The following GABRA5 variants were observed in gnomAD, a reference collection of about 807,000 sequenced individuals.
The protein encoded by GABRA5 is gamma-aminobutyric acid receptor subunit alpha-5.
Under a neutral mutation model 47.3 loss-of-function variants are expected in GABRA5, and 18 were observed. The ratio of observed to expected loss-of-function variants is 0.38; its 90% confidence interval spans 0.26 to 0.56. GABRA5 has a LOEUF of 0.56. Ranked by LOEUF, GABRA5 falls within the 20% of genes least tolerant of loss-of-function variation. The pLI, the probability that GABRA5 is intolerant of heterozygous loss-of-function variation, is 0.71. For missense variants in GABRA5, 365 were observed against 599.3 expected (o/e 0.61, Z 4.08); for synonymous variants, 237 against 229.3 (o/e 1.03, Z -0.30).
intron 3 of GABRA5, among the ~76,000 whole-genome samples, chr15:26,879,374 A>G (rs1566864394): frequency 6.6e-6 from 1 of 152,190 alleles, no homozygotes; most frequent in East Asian, 1.9e-4. Flanking sequence ...GGGAGGAGCT[A>G]TGCTAGGCTT....
At chr15:26,912,414 G>A (rs1893618210) in intron 6 of GABRA5, among the ~76,000 whole-genome samples, 1 of 152,140 alleles carries the variant, frequency 6.6e-6, no homozygotes, top group South Asian at 2.1e-4. Flanking sequence ...CTTTGTGTTG[G>A]CTGAATGCCA....
At chr15:26,869,486 G>A (rs1007472351) in intron 3 of GABRA5, among the ~76,000 whole-genome samples, 152 bp downstream of exon 3, 1 of 152,164 alleles carries the variant, frequency 6.6e-6, no homozygotes, top group Non-Finnish European at 1.5e-5. Context: ...TGAAGTCATT[G>A]CCCTGACCCA....
chr15:26,898,616 T>C (rs1399017628), intron 6 of GABRA5, among the ~76,000 whole-genome samples: 1 of 152,190 alleles, frequency 6.6e-6, no homozygotes, highest in African/African-American at 2.4e-5. Context: ...ACATCCCCAG[T>C]CAGCATTCCC....
At chr15:26,877,905 G>GCTCACAAAAATTTACTTCCCCA (rs1223904348) in intron 3 of GABRA5, among the ~76,000 whole-genome samples, 2 of 152,176 alleles carry the variant, frequency 1.3e-5, no homozygotes, top group Admixed American at 1.3e-4. Context: ...TATAATCTCA[G>GCTCACAAAAATTTACTTCCCCA]CTCACAAAAA....
intron 7 of GABRA5, among the ~76,000 whole-genome samples, chr15:26,918,530 C>T (rs930493439): frequency 6.6e-6 from 1 of 152,246 alleles, no homozygotes; most frequent in Admixed American, 6.5e-5. Context: ...GTTGTTTTAT[C>T]CATAACTGAG....
At chr15:26,924,120 T>C (rs1449302769) in intron 7 of GABRA5, among the ~76,000 whole-genome samples, 1 of 151,604 alleles carries the variant, frequency 6.6e-6, no homozygotes, top group Admixed American at 6.6e-5. Context: ...AATAATTTTC[T>C]ATCATAACCT....
rs575329078 is a variant in GABRA5, at chr15:26,893,325, T to C, written c.497+9768T>C. 6.9e-3 allele frequency among the ~76,000 whole-genome samples: 30 copies of C among 4,352 alleles called. No individual in the cohort carries two copies. In the South Asian group the frequency reaches 0.13, roughly 19 times the overall value. The allele number at this position is 4,352 out of a possible 152,430, so 2.9% of individuals were successfully genotyped here. A position where few individuals can be genotyped will look rare whatever the true frequency, so the allele number is the denominator to read the frequency against. On this transcript the variant is annotated intron_variant, in intron 6 of 10. Transcript: ENST00000335625. ...TATGGTGTGTTGTGTGTATATGGCG[T>C]GTTGTGTGTCTATGGAGTGTCGTGT... is the stretch of plus-strand genomic sequence containing the variant.
intron 6 of GABRA5, among the ~76,000 whole-genome samples, chr15:26,892,552 A>AT (rs1893035109): frequency 1.3e-5 from 2 of 152,232 alleles, no homozygotes; most frequent in Non-Finnish European, 1.5e-5. Context: ...AACGGAGGCG[A>AT]TTTTTCTAGA....
upstream of GABRA5, chr15:26,866,836 C>T (rs1166485168): frequency 1.3e-5 from 2 of 152,284 alleles, no homozygotes; most frequent in African/African-American, 4.8e-5. Context: ...GAGTCCAGGC[C>T]TCTATCACCC....
intron 7 of GABRA5, among the ~76,000 whole-genome samples, chr15:26,925,606 C>T (rs1395912511): frequency 6.6e-6 from 1 of 152,080 alleles, no homozygotes; most frequent in African/African-American, 2.4e-5. Context: ...CTTTGAAATT[C>T]TTAGATGCTA....
In GABRA5 at chr15:26,883,309, G is replaced by T; in HGVS notation, c.277-28G>T. On this transcript the variant is annotated intron_variant, in intron 5 of 10. Transcript: ENST00000335625. This position sits in a 1 kb window ranked among gnomAD's most constrained non-coding sequence, Gnocchi z 4.8. ...CCCCCGCCCAGGCCCCGTGCCCTCT[G>T]ACTGCCTCGTGCCTTCCTTTCCACT... 6.2e-7 allele frequency: 1 copy of T among 1,613,234 alleles called. No individual in the cohort carries two copies.
At chr15:26,874,326 T>A (rs200694481) in intron 3 of GABRA5, among the ~76,000 whole-genome samples, 9 of 151,470 alleles carry the variant, frequency 5.9e-5, no homozygotes, top group East Asian at 1.9e-4. Flanking sequence ...CATTTTTTTT[T>A]TAAATGCACT....
chr15:26,905,656 GT>G, intron 6 of GABRA5, among the ~76,000 whole-genome samples: 2 of 151,340 alleles, frequency 1.3e-5, no homozygotes, highest in East Asian at 3.9e-4. Flanking sequence ...GTTAGACTCT[GT>G]TCATTTTTCT....
chr15:26,926,231 G>C (rs965316165), intron 7 of GABRA5, among the ~76,000 whole-genome samples: 2 of 152,010 alleles, frequency 1.3e-5, no homozygotes, highest in Non-Finnish European at 2.9e-5. Flanking sequence ...GGGGCTTTCA[G>C]GGAGTAGTTT....
intron 8 of GABRA5, 70 bp downstream of exon 8, chr15:26,937,398 C>T: frequency 1.4e-6 from 2 of 1,481,242 alleles, no homozygotes; most frequent in Non-Finnish European, 1.8e-6. Context: ...GCTTGCTGCT[C>T]CCAGCACCTC....
intron 6 of GABRA5, among the ~76,000 whole-genome samples, chr15:26,892,734 T>G (rs140722960): frequency 0.85 from 129,803 of 152,232 alleles, 55,715 homozygotes; most frequent in Non-Finnish European, 0.9. Context: ...GGCTGTTACT[T>G]TCCGTTAGCA....
intron 7 of GABRA5, among the ~76,000 whole-genome samples, chr15:26,929,102 G>A (rs926176030): frequency 1.2e-4 from 18 of 152,134 alleles, no homozygotes; most frequent in African/African-American, 4.1e-4. Flanking sequence ...CTTCTCACAT[G>A]GTTTCAGTCC....
intron 6 of GABRA5, among the ~76,000 whole-genome samples, chr15:26,901,013 T>C (rs1893314403): frequency 6.6e-6 from 1 of 152,172 alleles, no homozygotes. Flanking sequence ...TGAGTTTCCT[T>C]GGCACAACAC....
rs1894570191 is a variant in GABRA5, at chr15:26,948,486, C to G, written c.*253C>G. 2.0e-6 allele frequency: 1 copy of G among 495,924 alleles called. No individual in the cohort carries two copies. The highest frequency in any genetic ancestry group is 3.2e-5 in the East Asian group (1 of 30,982). The allele number at this position is 495,924 out of a possible 1,614,324, so 30.7% of individuals were successfully genotyped here. A position where few individuals can be genotyped will look rare whatever the true frequency, so the allele number is the denominator to read the frequency against. ...ATACGATGACTGACACTCAGATGCC[C>G]AGTATCATACGTTGATAGTTTACAA... On this transcript the variant is annotated 3_prime_UTR_variant, in exon 11 of 11. Coordinates refer to ENST00000335625, the MANE Select transcript of GABRA5 (RefSeq NM_000810.4).
Sources: allele counts gnomAD v4.1 joint callset (sites outside exome capture counted in the v4.1 genomes callset), GRCh38; gene constraint gnomAD v4.1.1; non-coding constraint Gnocchi (gnomAD v3.1); transcripts MANE v1.5; gene names NCBI Gene and HGNC (gene_info 2026-07-23, HGNC 2026-07-21).